The following AHNAK variants were observed in gnomAD, a reference collection of about 807,000 sequenced individuals.
The protein encoded by AHNAK is neuroblast differentiation-associated protein AHNAK.
Under a neutral mutation model 37.8 loss-of-function variants are expected in AHNAK, and 23 were observed. The observed-to-expected ratio is 0.61, with a 90% confidence interval of 0.44 to 0.86. AHNAK has a LOEUF of 0.86. Among genes scored for constraint, AHNAK ranks in the 40% least tolerant of loss-of-function variants. AHNAK has a pLI of 0.00. For synonymous variants in AHNAK, 2,481 were observed against 2,636.3 expected, an observed-to-expected ratio of 0.94 and a Z score of 1.80; for missense variants, 7,411 against 7,319.4, an observed-to-expected ratio of 1.01 and a Z score of -0.46.
chr11:62,545,251 A>G (rs1590699288), intron 1 of AHNAK, among the ~76,000 whole-genome samples: 1 of 152,218 alleles, frequency 6.6e-6, no homozygotes, highest in Admixed American at 6.5e-5. Context: ...CACACATCGC[A>G]CACAACCCTC....
chr11:62,480,610 G>A (rs949360736), intron 5 of AHNAK, among the ~76,000 whole-genome samples: 2 of 151,540 alleles, frequency 1.3e-5, no homozygotes, highest in African/African-American at 4.9e-5. Context: ...GCAGTGAGCC[G>A]AGATTGCGCC....
chr11:62,511,134 A>G (rs1473185535), downstream of AHNAK, among the ~76,000 whole-genome samples: 2 of 152,132 alleles, frequency 1.3e-5, no homozygotes, highest in Non-Finnish European at 2.9e-5. Context: ...TGCTCAAAAC[A>G]TTTGAGACAA....
rs773012322 is a variant in AHNAK at position 62,528,463 on chromosome 11, T to C, written c.5954A>G (p.Lys1985Arg). 3.1e-6 allele frequency: 5 copies of C among 1,613,582 alleles called. No individual in the cohort carries two copies. Among genetic ancestry groups the C allele is most frequent in the Middle Eastern group, 1.6e-4 (1 of 6,080 alleles). The change falls in exon 5 of 5, where the codon AAG becomes AGG. Residue 1985 changes from lysine (K) to arginine (R), a missense_variant. Physicochemically the swap from Lys to Arg is conservative, Grantham distance 26. Transcript: ENST00000378024. ...PKFKMPEMHF[K>R]TPKISMPDVD... The stretch of plus-strand genomic sequence containing the variant: ...ATCAGGCATGGAGATCTTGGGGGTC[T>C]TGAAGTGCATCTCAGGCATCTTAAA...
At chr11:62,484,369 G>C (rs1220721225) in intron 5 of AHNAK, among the ~76,000 whole-genome samples, 1 of 152,126 alleles carries the variant, frequency 6.6e-6, no homozygotes, top group African/African-American at 2.4e-5. Flanking sequence ...CTGGGTGACA[G>C]AGTGAGACCC....
intron 3 of AHNAK, 133 bp from the exon 4 acceptor site, chr11:62,535,323 T>G: frequency 5.1e-6 from 4 of 789,308 alleles, no homozygotes; most frequent in Non-Finnish European, 8.0e-6. Context: ...TAATACCCAT[T>G]GTACAGACAC....
intron 5 of AHNAK, among the ~76,000 whole-genome samples, chr11:62,447,010 AC>A (rs1408712201): frequency 1.3e-5 from 2 of 150,210 alleles, no homozygotes; most frequent in African/African-American, 2.5e-5. Flanking sequence ...ATTCCTAAGC[AC>A]CCCCTCCCCT....
Position 62,526,534 on chromosome 11 carries a change from C to A in AHNAK, c.7883G>T (p.Gly2628Val), listed in dbSNP as rs977635019. The change falls in exon 5 of 5, where the codon GGT (glycine) becomes GTT (valine). Residue 2628 changes from glycine (G) to valine (V), a missense_variant. Gly to Val is a moderately radical substitution (Grantham distance 109). Transcript: ENST00000378024. ...CAGGTGCCAGTCTGGGCCTTGAACA[C>A]CCACATCTGGGGCATTAATATCCAC... The part of the protein sequence containing the change: ...PKVDINAPDV[G>V]VQGPDWHLKM... 6.2e-7 allele frequency: 1 copy of A among 1,604,720 alleles called. No homozygotes were observed. The highest frequency in any genetic ancestry group is 1.7e-5 in the Admixed American group (1 of 58,986).
Position 62,519,691 on chromosome 11 carries a change from A to G in AHNAK, c.14726T>C (p.Leu4909Pro), listed in dbSNP as rs1940159125. 6.2e-7 allele frequency: 1 copy of G among 1,613,990 alleles called. No homozygotes were observed. Among genetic ancestry groups the G allele is most frequent in the Non-Finnish European group, 8.5e-7 (1 of 1,180,018 alleles). The stretch of plus-strand genomic sequence containing the variant: ...AGTTACTTTAGGAGCAGATATCTCC[A>G]GCGATGGCATCTTCAAAGATGGGCC... Reference protein sequence around the residue: ...LSGPSLKMPSLEISAPKVTAP... With the variant: ...LSGPSLKMPSPEISAPKVTAP... The change falls in exon 5 of 5, where the codon CTG (leucine) becomes CCG (proline). Residue 4909 changes from leucine to proline, a missense_variant. By Grantham distance (98) the Leu-to-Pro change is moderately conservative (BLOSUM62 -3). Transcript: ENST00000378024.
At chr11:62,514,401 C>T (rs1442383933), downstream of AHNAK, among the ~76,000 whole-genome samples, 1 of 152,192 alleles carries the variant, frequency 6.6e-6, no homozygotes, top group African/African-American at 2.4e-5. Context: ...CCAGTTAGGA[C>T]AGACGGTGAT....
Position 62,529,187 on chromosome 11 carries a change from A to T in AHNAK, c.5230T>A (p.Ser1744Thr), listed in dbSNP as rs769351529. ...GCATCAGTGTCCACACTGGGTCCAGACACATCAATGTCAGCCTTTGGCAGA... is the reference window on the plus strand; with the variant it reads ...GCATCAGTGTCCACACTGGGTCCAGTCACATCAATGTCAGCCTTTGGCAGA... ...VNLPKADIDV[S>T]GPSVDTDAPD... The change falls in exon 5 of 5, where the codon TCT (serine) becomes ACT (threonine). Residue 1744 changes from serine to threonine, a missense_variant. Coordinates refer to ENST00000378024, the MANE Select transcript of AHNAK (RefSeq NM_001620.3). 4 of 1,614,188 alleles carry T rather than the reference A, an allele frequency of 2.5e-6. No homozygotes were observed. In the Admixed American group the frequency reaches 6.7e-5, roughly 27 times the overall value.
chr11:62,469,186 G>A (rs1376984763), intron 5 of AHNAK, among the ~76,000 whole-genome samples: 1 of 151,546 alleles, frequency 6.6e-6, no homozygotes, highest in South Asian at 2.1e-4. Context: ...CAGTGGTGTG[G>A]TCTTGGCTTA....
chr11:62,473,166 G>A (rs1264039380), intron 5 of AHNAK, among the ~76,000 whole-genome samples: 3 of 148,578 alleles, frequency 2.0e-5, no homozygotes, highest in Non-Finnish European at 4.4e-5. Context: ...GGAAGCCAAA[G>A]CGGGTGGATC....
chr11:62,479,167 CTTTT>C (rs33929407), intron 5 of AHNAK, among the ~76,000 whole-genome samples: 1 of 116,252 alleles, frequency 8.6e-6, no homozygotes, highest in African/African-American at 3.3e-5. Context: ...TTTCTTTTTT[CTTTT>C]TTTTTTTTTT....
chr11:62,483,582 G>A (rs1024574160), intron 5 of AHNAK, among the ~76,000 whole-genome samples: 1 of 150,446 alleles, frequency 6.6e-6, no homozygotes, highest in African/African-American at 2.4e-5. Context: ...ACTACAGCCA[G>A]GCGCGGTGGC....
chr11:62,544,870 C>G (rs529087080), intron 1 of AHNAK, among the ~76,000 whole-genome samples: 3 of 152,322 alleles, frequency 2.0e-5, no homozygotes, highest in Non-Finnish European at 4.4e-5. Flanking sequence ...CTCAGCTTCA[C>G]TGCTGCAGCC....
chr11:62,518,346 G>T lies in AHNAK; in HGVS notation c.16071C>A (p.Asn5357Lys). The T allele has an allele frequency of 1.2e-6, 2 of 1,614,108 alleles. No individual in the cohort carries two copies. The highest frequency in any genetic ancestry group is 2.2e-5 in the South Asian group (2 of 91,070). Residue 5357 changes from asparagine to lysine, a missense_variant, in exon 5 of 5, where the codon AAC (asparagine) becomes AAA (lysine). Asn to Lys is a moderately conservative substitution (Grantham distance 94, BLOSUM62 0). Transcript: ENST00000378024. ...VPGIDATTKLNVGAPDVTLRG... is the reference protein window; with the variant it reads ...VPGIDATTKLKVGAPDVTLRG... The stretch of plus-strand genomic sequence containing the variant: ...TCAGTGTCACATCTGGTGCCCCAAC[G>T]TTAAGCTTTGTTGTGGCATCGATCC...
rs759704150 is a variant in AHNAK, at chr11:62,530,394, C to T, written c.4023G>A (p.Val1341=). The change falls in exon 5 of 5, where the codon GTG becomes GTA. Residue 1341 remains valine, a synonymous_variant. Transcript: ENST00000378024. ...CTTCTACCTCAGGCAAGGACACATC[C>T]ACATCTCCCTTCAATTTTGGCCCCT... ...NLKGPKLKGD[V]DVSLPEVEGE... 19 of 1,613,966 alleles carry T rather than the reference C, an allele frequency of 1.2e-5. No homozygotes were observed. In the South Asian group the frequency reaches 1.9e-4, roughly 16 times the overall value.
chr11:62,456,160 G>A (rs375411695), intron 5 of AHNAK, among the ~76,000 whole-genome samples: 13 of 152,126 alleles, frequency 8.5e-5, no homozygotes, highest in African/African-American at 2.7e-4. Flanking sequence ...GAGGCCTCTC[G>A]GGAAGCTAAC....
intron 3 of AHNAK, 105 bp downstream of exon 3, chr11:62,535,840 C>T (rs2134251015): frequency 7.0e-7 from 1 of 1,438,358 alleles, no homozygotes; most frequent in East Asian, 2.5e-5. Flanking sequence ...GGAATGGGCC[C>T]TCGACAGCCA....
Sources: allele counts gnomAD v4.1 joint callset (sites outside exome capture counted in the v4.1 genomes callset), GRCh38; gene constraint gnomAD v4.1.1; transcripts MANE v1.5; gene names NCBI Gene and HGNC (gene_info 2026-07-23, HGNC 2026-07-21).